Variants in RYR3 observed in about 807,000 individuals in gnomAD.
RYR3 encodes brain ryanodine receptor-calcium release channel.
In RYR3, 207 loss-of-function variants were observed where a neutral mutation model predicts 584.3. That is an observed-to-expected ratio of 0.35 (90% CI 0.32 to 0.40). The LOEUF is 0.40. Ranked by LOEUF, RYR3 falls within the 10% of genes least tolerant of loss-of-function variation. The pLI is 1.00. For synonymous variants in RYR3, 2,416 were observed against 2,248.5 expected (o/e 1.07, Z -2.11); for missense variants, 5,616 against 6,089.2 (o/e 0.92, Z 2.59).
intron 33 of RYR3, 53 bp from the exon 34 acceptor site, chr15:33,660,144 C>T: frequency 7.2e-6 from 9 of 1,246,150 alleles, no homozygotes; most frequent in South Asian, 2.7e-5. Flanking sequence ...TGTCTGGGTG[C>T]GTCATCCAGC....
chr15:33,616,099 G>A (rs1566789237), intron 19 of RYR3, among the ~76,000 whole-genome samples: 1 of 152,060 alleles, frequency 6.6e-6, no homozygotes, highest in Non-Finnish European at 1.5e-5. Flanking sequence ...TACTTATTTT[G>A]CCCATGTCCA....
chr15:33,809,612 C>CT (rs34554811), intron 70 of RYR3, among the ~76,000 whole-genome samples: 14,259 of 132,078 alleles, frequency 0.11, 921 homozygotes, highest in Middle Eastern at 0.21. Flanking sequence ...TCCTCTCTCT[C>CT]TTTTTTTTTT....
At chr15:33,606,757 C>A (rs1487768510) in intron 18 of RYR3, among the ~76,000 whole-genome samples, 3 of 152,154 alleles carry the variant, frequency 2.0e-5, no homozygotes, top group Non-Finnish European at 4.4e-5. Context: ...CTGCTCAGAG[C>A]AGCCTACACA....
At chr15:33,323,953 G>A (rs1037985115) in intron 1 of RYR3, among the ~76,000 whole-genome samples, 11 of 152,140 alleles carry the variant, frequency 7.2e-5, no homozygotes, top group Admixed American at 6.5e-5. Context: ...AGATTAGAAG[G>A]CAGGTTTATT....
chr15:33,429,312 A>G (rs1368906962), intron 1 of RYR3, among the ~76,000 whole-genome samples: 2 of 152,198 alleles, frequency 1.3e-5, no homozygotes, highest in African/African-American at 4.8e-5. Context: ...AGTACCCTAC[A>G]TTAGCCAAGT....
At chr15:33,386,021 A>T (rs1045641284) in intron 1 of RYR3, among the ~76,000 whole-genome samples, 1 of 151,994 alleles carries the variant, frequency 6.6e-6, no homozygotes, top group Non-Finnish European at 1.5e-5. Flanking sequence ...TCTTTTTTTT[A>T]AAACATGTTA....
At position 33,586,002 on chromosome 15, in the gene RYR3, C is replaced by T. The variant is rs745424736; in HGVS notation, c.1674C>T (p.Ile558=). 6.2e-7 allele frequency: 1 copy of T among 1,601,426 alleles called. No homozygotes were observed. The highest frequency in any genetic ancestry group is 2.2e-5 in the East Asian group (1 of 44,782). Residue 558 remains isoleucine (I), a synonymous_variant, in exon 16 of 104, where the codon ATC becomes ATT. Coordinates refer to ENST00000634891, the MANE Select transcript of RYR3 (RefSeq NM_001036.6). ...KLDRLESSSG[I]LEVLHCILTE... ...ATGTTTGTGGCATTCATGTAGGTAT[C>T]TTGGAAGTTTTGCACTGCATCTTAA...
At chr15:33,700,034 C>T (rs927957444) in intron 41 of RYR3, among the ~76,000 whole-genome samples, 2 of 152,218 alleles carry the variant, frequency 1.3e-5, no homozygotes, top group African/African-American at 4.8e-5. Context: ...ATGTTGCTAC[C>T]AGCCAAGATT....
At chr15:33,672,826 A>G (rs1000220680) in intron 38 of RYR3, among the ~76,000 whole-genome samples, 5 of 152,224 alleles carry the variant, frequency 3.3e-5, no homozygotes, top group Non-Finnish European at 5.9e-5. Context: ...ACTTCCACAC[A>G]TATTCATTTA....
intron 15 of RYR3, among the ~76,000 whole-genome samples, chr15:33,585,704 A>G (rs2058813992): frequency 6.6e-6 from 1 of 152,230 alleles, no homozygotes; most frequent in Non-Finnish European, 1.5e-5. Context: ...TTTATTTTAT[A>G]GCTGCTTCTC....
intron 1 of RYR3, among the ~76,000 whole-genome samples, chr15:33,338,638 A>C (rs8032058): frequency 0.35 from 53,905 of 151,934 alleles, 10,025 homozygotes; most frequent in East Asian, 0.53. Context: ...TAGCCATCTT[A>C]TTTAGGAACC....
intron 1 of RYR3, among the ~76,000 whole-genome samples, chr15:33,418,946 T>C (rs1240679931): frequency 6.6e-6 from 1 of 152,124 alleles, no homozygotes; most frequent in Non-Finnish European, 1.5e-5. Context: ...ATGGCTTTAT[T>C]TCCAGAAGCT....
At chr15:33,819,898 G>A (rs2077023186) in intron 77 of RYR3, 91 bp downstream of exon 77, 1 of 957,510 alleles carries the variant, frequency 1.0e-6, no homozygotes, top group Non-Finnish European at 1.6e-6. Context: ...TGAATAGCAG[G>A]CCTGGGACTT....
intron 1 of RYR3, among the ~76,000 whole-genome samples, chr15:33,391,089 T>C (rs2041965536): frequency 6.6e-6 from 1 of 152,096 alleles, no homozygotes; most frequent in Non-Finnish European, 1.5e-5. Context: ...ATCTTTGGGA[T>C]CCCTGAAACA....
chr15:33,623,604 T>C (rs11637033), intron 19 of RYR3, among the ~76,000 whole-genome samples: 45,288 of 152,106 alleles, frequency 0.3, 7,663 homozygotes, highest in Non-Finnish European at 0.38. Context: ...ATGGGTCAGC[T>C]GAGGATCAGC....
At chr15:33,464,503 T>TATATATATATATGTAC (rs1180164194) in intron 1 of RYR3, among the ~76,000 whole-genome samples, 1 of 105,942 alleles carries the variant, frequency 9.4e-6, no homozygotes, top group South Asian at 3.0e-4. Flanking sequence ...CATATATATA[T>TATATATATATATGTAC]ACATACACAT....
intron 19 of RYR3, among the ~76,000 whole-genome samples, chr15:33,620,891 C>A (rs1488419697): frequency 1.3e-5 from 2 of 152,170 alleles, no homozygotes; most frequent in African/African-American, 4.8e-5. Context: ...AATCCAGGAC[C>A]TTTTCTTCTA....
chr15:33,363,218 T>C (rs1482983060), intron 1 of RYR3, among the ~76,000 whole-genome samples: 1 of 152,186 alleles, frequency 6.6e-6, no homozygotes, highest in African/African-American at 2.4e-5. Context: ...TTTCATCTTT[T>C]TGCAGAGGCT....
intron 11 of RYR3, among the ~76,000 whole-genome samples, chr15:33,563,240 GAAGA>G (rs1351730061): frequency 6.6e-6 from 1 of 152,218 alleles, no homozygotes; most frequent in Non-Finnish European, 1.5e-5. Flanking sequence ...AATCTGTGAG[GAAGA>G]GGTGATGTAT....
Sources: gnomAD v4.1 joint callset for allele counts (sites outside exome capture counted in the v4.1 genomes callset) on GRCh38, gnomAD v4.1.1 for gene constraint, MANE v1.5 for transcripts, NCBI Gene and HGNC (gene_info 2026-07-23, HGNC 2026-07-21) for gene names.